ABAT: variants seen among roughly 807,000 people sequenced by gnomAD.
ABAT encodes the protein 4-aminobutyrate aminotransferase, mitochondrial.
ABAT carries 45 observed loss-of-function variants against 64.6 expected under a neutral mutation model. The observed-to-expected ratio is 0.70, with a 90% CI of 0.55 to 0.89. The LOEUF (loss-of-function observed/expected upper bound fraction) is 0.89, where lower values mean the gene tolerates loss of function less well. Ranked by LOEUF, ABAT falls within the 40% of genes least tolerant of loss-of-function variation. The pLI is 0.00. For missense variants in ABAT, 633 were observed against 658.4 expected (o/e 0.96, Z 0.42); for synonymous variants, 297 against 250.5 (o/e 1.19, Z -1.75).
At chr16:8,680,487 G>C (rs1430466731) in intron 1 of ABAT, among the ~76,000 whole-genome samples, 2 of 151,750 alleles carry the variant, frequency 1.3e-5, no homozygotes, top group Non-Finnish European at 2.9e-5. Context: ...GTGCAGTGGT[G>C]TGATCTCGGC....
intron 1 of ABAT, among the ~76,000 whole-genome samples, chr16:8,697,540 G>A (rs577487487): frequency 6.6e-6 from 1 of 152,154 alleles, no homozygotes; most frequent in African/African-American, 2.4e-5. Flanking sequence ...TGCAGTCAGT[G>A]CCTGGGTTCA....
chr16:8,734,771 G>A (rs562883175), intron 1 of ABAT, among the ~76,000 whole-genome samples: 1 of 152,034 alleles, frequency 6.6e-6, no homozygotes, highest in Non-Finnish European at 1.5e-5. Flanking sequence ...AACAAAACAG[G>A]TTTTTAGCAG....
chr16:8,690,251 G>C (rs2057549778), intron 1 of ABAT, among the ~76,000 whole-genome samples: 1 of 152,150 alleles, frequency 6.6e-6, no homozygotes, highest in African/African-American at 2.4e-5. Flanking sequence ...CCTGGCGAGT[G>C]TCTTGCTTGC....
intron 1 of ABAT, among the ~76,000 whole-genome samples, chr16:8,723,823 A>ATT (rs1567286176): frequency 3.4e-4 from 17 of 50,060 alleles, no homozygotes; most frequent in Non-Finnish European, 5.6e-4. Flanking sequence ...ATATATATAT[A>ATT]TATATTTTTT....
At chr16:8,744,116 A>C (rs1224166972) in intron 2 of ABAT, among the ~76,000 whole-genome samples, 1 of 152,214 alleles carries the variant, frequency 6.6e-6, no homozygotes, top group East Asian at 1.9e-4. Context: ...GCATTCAAAC[A>C]AATGATGGGT....
intron 1 of ABAT, among the ~76,000 whole-genome samples, chr16:8,681,613 G>C (rs1311952089): frequency 6.8e-6 from 1 of 147,170 alleles, no homozygotes; most frequent in African/African-American, 2.5e-5. Flanking sequence ...TTCTGCATTA[G>C]AGTGGCCCCT....
chr16:8,750,664 C>A (rs2059454691), intron 5 of ABAT, 125 bp downstream of exon 5: 4 of 847,586 alleles, frequency 4.7e-6, no homozygotes, highest in Non-Finnish European at 2.0e-6. Context: ...ACACTTCACC[C>A]AAGGGTAGGA....
intron 1 of ABAT, among the ~76,000 whole-genome samples, chr16:8,734,955 C>G (rs1444421070): frequency 6.6e-6 from 1 of 151,882 alleles, no homozygotes; most frequent in East Asian, 1.9e-4. Flanking sequence ...TACCTGTAAT[C>G]CCAGCACTTT....
chr16:8,750,595 C>T (rs1049147486), intron 5 of ABAT, 56 bp downstream of exon 5: 5 of 1,515,702 alleles, frequency 3.3e-6, no homozygotes, highest in Non-Finnish European at 4.6e-6. Context: ...CTCTCCTAGT[C>T]GTGGCTATCC....
At chr16:8,728,273 C>T (rs1332398325) in intron 1 of ABAT, among the ~76,000 whole-genome samples, 1 of 152,202 alleles carries the variant, frequency 6.6e-6, no homozygotes, top group Admixed American at 6.5e-5. Context: ...CAATTTTCAA[C>T]TGCAGGCCAC....
intron 5 of ABAT, among the ~76,000 whole-genome samples, chr16:8,754,925 G>T (rs2059608420): frequency 6.6e-6 from 1 of 151,840 alleles, no homozygotes; most frequent in African/African-American, 2.4e-5. Flanking sequence ...CACCATGTTG[G>T]CCAAGCTGGT....
chr16:8,685,767 G>A (rs994906411), intron 1 of ABAT, among the ~76,000 whole-genome samples: 1 of 152,214 alleles, frequency 6.6e-6, no homozygotes, highest in Non-Finnish European at 1.5e-5. Context: ...ATGGGTGGAT[G>A]AGGAGTGGCA....
intron 1 of ABAT, among the ~76,000 whole-genome samples, chr16:8,717,366 C>G (rs77678477): frequency 3.3e-5 from 5 of 152,112 alleles, no homozygotes. Flanking sequence ...AAATAAGATA[C>G]ATGAAAAAAA....
chr16:8,774,884 G>A lies in ABAT; in HGVS notation c.955-6G>A, dbSNP rs984124474. On this transcript the variant is annotated splice_region_variant and splice_polypyrimidine_tract_variant and intron_variant, in intron 12 of 15. Transcript: ENST00000268251. ...TATTTCTCCCTCCTCTCTCTTCTCC[G>A]GCCAGCATGGCTGCGCCTTCTTGGT... 7 of 1,613,746 alleles carry A rather than the reference G, an allele frequency of 4.3e-6. No homozygotes were observed. Among genetic ancestry groups the A allele is most frequent in the East Asian group, 2.2e-5 (1 of 44,876 alleles).
At chr16:8,726,262 C>T (rs866984195) in intron 1 of ABAT, among the ~76,000 whole-genome samples, 8 of 120,808 alleles carry the variant, frequency 6.6e-5, no homozygotes, top group Admixed American at 9.9e-5. Context: ...ATGACTAGAT[C>T]TTTTTTTTTT....
chr16:8,703,002 T>G (rs2057859693), intron 1 of ABAT, among the ~76,000 whole-genome samples: 1 of 151,792 alleles, frequency 6.6e-6, no homozygotes, highest in South Asian at 2.1e-4. Context: ...TGCATGAGAG[T>G]GTGCCAGGAA....
chr16:8,732,737 C>T (rs946577758), intron 1 of ABAT, among the ~76,000 whole-genome samples: 6 of 150,816 alleles, frequency 4.0e-5, no homozygotes, highest in Non-Finnish European at 5.9e-5. Flanking sequence ...AGCTGTCGGG[C>T]ACACCTCCCA....
At chr16:8,722,045 C>T (rs2142188905) in intron 1 of ABAT, among the ~76,000 whole-genome samples, 1 of 152,282 alleles carries the variant, frequency 6.6e-6, no homozygotes, top group East Asian at 1.9e-4. Flanking sequence ...GTTTGATTTA[C>T]TGATGGATTT....
Position 8,781,395 on chromosome 16 carries a change from A to C in ABAT, c.1468A>C (p.Asn490His). Residue 490 changes from asparagine to histidine, a missense_variant, in exon 16 of 16, where the codon AAT becomes CAT. Physicochemically the swap from Asn to His is moderately conservative, Grantham distance 68 (BLOSUM62 1). Transcript: ENST00000268251. This position sits in a 1 kb window ranked among gnomAD's most constrained non-coding sequence, Gnocchi z 4.5. ...FRDHHAHLFL[N>H]IFSDILADFK ...GGATCACCACGCTCACCTGTTCCTCAATATTTTCAGTGACATCTTAGCAGA... is the reference window on the plus strand; with the variant it reads ...GGATCACCACGCTCACCTGTTCCTCCATATTTTCAGTGACATCTTAGCAGA... 1 of 1,614,190 alleles carries C rather than the reference A, an allele frequency of 6.2e-7. No homozygotes were observed. The highest frequency in any genetic ancestry group is 8.5e-7 in the Non-Finnish European group (1 of 1,180,046).
Sources: gnomAD v4.1 joint callset for allele counts (sites outside exome capture counted in the v4.1 genomes callset) on GRCh38, gnomAD v4.1.1 for gene constraint, Gnocchi (gnomAD v3.1) non-coding constraint, MANE v1.5 for transcripts, NCBI Gene and HGNC (gene_info 2026-07-23, HGNC 2026-07-21) for gene names.